The following MUL1 variants were observed in gnomAD, a reference collection of about 807,000 sequenced individuals.
MUL1 encodes mitochondrial ubiquitin ligase activator of NFKB 1.
Under a neutral mutation model 34.1 loss-of-function variants are expected in MUL1, and 30 were observed. The ratio of observed to expected loss-of-function variants is 0.88; its 90% confidence interval spans 0.66 to 1.19. The LOEUF is 1.19. Among genes scored for constraint, MUL1 ranks in the 50% most tolerant of loss-of-function variants. The pLI, the probability that MUL1 is intolerant of heterozygous loss-of-function variation, is 0.00. For missense variants in MUL1, 419 were observed against 450.5 expected, an observed-to-expected ratio of 0.93 and a Z score of 0.63; for synonymous variants, 191 against 187.8, an observed-to-expected ratio of 1.02 and a Z score of -0.14.
chr1:20,508,107 A>C lies in MUL1; in HGVS notation c.-83T>G, dbSNP rs558378129. 2.9e-4 allele frequency: 446 copies of C among 1,515,716 alleles called. 7 individuals carry two copies. In the South Asian group the frequency reaches 5.3e-3, roughly 18 times the overall value. 93.9% of individuals were successfully genotyped at this position (1,515,716 alleles called of 1,614,324 possible). ...GACTCTCCACCTCCTTCCGACCAGGACCGCACCCCCCCGGCCTAACCTGAC... is the reference window on the plus strand; with the variant it reads ...GACTCTCCACCTCCTTCCGACCAGGCCCGCACCCCCCCGGCCTAACCTGAC... On this transcript the variant is annotated 5_prime_UTR_variant, in exon 1 of 4. Transcript: ENST00000264198.
chr1:20,500,600 C>T lies in MUL1; in HGVS notation c.*90G>A. On this transcript the variant is annotated 3_prime_UTR_variant, in exon 4 of 4. Transcript: ENST00000264198. ...TCATACCTGGAGGTGACAGCTACCC[C>T]CACCACTGCTCCTCCAAAGGCCTCG... 6.8e-7 allele frequency: 1 copy of T among 1,479,106 alleles called. No individual in the cohort carries two copies. The highest frequency in any genetic ancestry group is 1.4e-5 in the South Asian group (1 of 72,968). The allele number at this position is 1,479,106 out of a possible 1,614,324, so 91.6% of individuals were successfully genotyped here.
intron 1 of MUL1, among the ~76,000 whole-genome samples, chr1:20,503,988 CA>C (rs1194185645): frequency 6.6e-6 from 1 of 151,932 alleles, no homozygotes; most frequent in Non-Finnish European, 1.5e-5. Flanking sequence ...CCTCCCACCT[CA>C]GGCCCCCAAG....
chr1:20,499,956 G>C lies in MUL1; in HGVS notation c.*734C>G, dbSNP rs1193688111. The C allele has an allele frequency of 6.6e-6, 1 of 152,320 alleles. No homozygotes were observed. Among genetic ancestry groups the C allele is most frequent in the Non-Finnish European group, 1.5e-5 (1 of 68,114 alleles). The allele number at this position is 152,320 out of a possible 1,614,324, so 9.4% of individuals were successfully genotyped here. ...CCACCCCGAGCTCTCCCAAGTGGCA[G>C]GAGTTCAAATCAGGGCCAGTGGCGA... On this transcript the variant is annotated 3_prime_UTR_variant, in exon 4 of 4. Coordinates refer to ENST00000264198, the MANE Select transcript of MUL1 (RefSeq NM_024544.3).
At chr1:20,502,810 A>T (rs111270978) in intron 2 of MUL1, among the ~76,000 whole-genome samples, 4 of 152,224 alleles carry the variant, frequency 2.6e-5, no homozygotes, top group Non-Finnish European at 5.9e-5. Context: ...CTGGGATTAC[A>T]GGCATGAGCT....
At chr1:20,507,725 G>A (rs115083503) in intron 1 of MUL1, among the ~76,000 whole-genome samples, 180 bp downstream of exon 1, 1,839 of 152,350 alleles carry the variant, frequency 0.012, 34 homozygotes, top group African/African-American at 0.041. Context: ...CGGAGCAGCC[G>A]TTATCCCGAG....
At chr1:20,506,992 C>A (rs1285331250) in intron 1 of MUL1, among the ~76,000 whole-genome samples, 2 of 152,180 alleles carry the variant, frequency 1.3e-5, no homozygotes, top group Non-Finnish European at 2.9e-5. Context: ...CTTCGGAGAG[C>A]CGAGGCGGGG....
In MUL1 at chr1:20,500,920, C is replaced by G; in HGVS notation, c.829G>C (p.Glu277Gln). The G allele has an allele frequency of 6.2e-7, 1 of 1,614,150 alleles. No individual in the cohort carries two copies. The highest frequency in any genetic ancestry group is 1.3e-5 in the African/African-American group (1 of 75,080). ...QERLRLKQMQEEFQEHEAQLL... is the reference protein window; with the variant it reads ...QERLRLKQMQQEFQEHEAQLL... ...TGGGCCTCATGCTCCTGGAACTCCTCCTGCATCTGCTTGAGGCGCAGGCGC... is the reference window on the plus strand; with the variant it reads ...TGGGCCTCATGCTCCTGGAACTCCTGCTGCATCTGCTTGAGGCGCAGGCGC... Residue 277 changes from glutamate (E) to glutamine (Q), a missense_variant, in exon 4 of 4, where the codon GAG (glutamate) becomes CAG (glutamine). Glu to Gln is a conservative substitution (Grantham distance 29, BLOSUM62 2). Transcript: ENST00000264198.
Position 20,503,874 on chromosome 1 carries a change from A to ATT in MUL1, c.121-567_121-566dup, listed in dbSNP as rs111696728. On this transcript the variant is annotated intron_variant, in intron 1 of 3. Transcript: ENST00000264198. ...TAACTGGTGCCAAATGCCATTCTAC[A>ATT]TTTTTTTTTTTTTTTGAGATGGGGT... Among the ~76,000 whole-genome samples, 8 of 141,746 alleles carry ATT rather than the reference A, an allele frequency of 5.6e-5. No individual in the cohort carries two copies. The South Asian group carries it at 9.0e-4, about 16-fold the overall frequency. 93.0% of individuals were successfully genotyped at this position (141,746 alleles called of 152,430 possible). A position where few individuals can be genotyped will look rare whatever the true frequency, so the allele number is the denominator to read the frequency against.
chr1:20,501,956 C>T lies in MUL1; in HGVS notation c.329+113G>A. On this transcript the variant is annotated intron_variant, in intron 3 of 3. Transcript: ENST00000264198. The surrounding 1 kb of genome is among the most constrained non-coding windows in gnomAD (Gnocchi z 4.2). Reference sequence around the variant, plus strand: ...CAAGAATATGACCTGCATTAAGAGACTGGGCTTCAACCTGTCTCAGGAGAA... The same window carrying T: ...CAAGAATATGACCTGCATTAAGAGATTGGGCTTCAACCTGTCTCAGGAGAA... 7.3e-7 allele frequency: 1 copy of T among 1,362,550 alleles called. No homozygotes were observed. The highest frequency in any genetic ancestry group is 2.3e-5 in the East Asian group (1 of 43,262). The allele number at this position is 1,362,550 out of a possible 1,614,324, so 84.4% of individuals were successfully genotyped here. A position where few individuals can be genotyped will look rare whatever the true frequency, so the allele number is the denominator to read the frequency against.
chr1:20,507,849 C>T, intron 1 of MUL1, 56 bp downstream of exon 1: 2 of 1,566,514 alleles, frequency 1.3e-6, no homozygotes, highest in Non-Finnish European at 1.7e-6. Context: ...TCATGGGCTC[C>T]CCAGCACCTG....
intron 1 of MUL1, among the ~76,000 whole-genome samples, chr1:20,503,614 C>G (rs2051686101): frequency 6.6e-6 from 1 of 152,150 alleles, no homozygotes. Flanking sequence ...AGGTACTAGT[C>G]AATTTACATA....
At chr1:20,502,270 C>T in intron 2 of MUL1, 81 bp from the exon 3 acceptor site, 1 of 1,581,718 alleles carries the variant, frequency 6.3e-7, no homozygotes, top group Non-Finnish European at 8.6e-7. Flanking sequence ...GTTTTCTGGT[C>T]TGGCACAGTA....
At position 20,500,738 on chromosome 1, in the gene MUL1, A is replaced by C. The variant is rs1179823075; in HGVS notation, c.1011T>G (p.Pro337=). 1 of 1,608,318 alleles carries C rather than the reference A, an allele frequency of 6.2e-7. No homozygotes were observed. The highest frequency in any genetic ancestry group is 1.3e-5 in the African/African-American group (1 of 74,830). ...CCCGGGTGATCGCCTGTCTGCAGATAGGGCACTTCTTGGGCTCTGGCAAGG... is the reference window on the plus strand; with the variant it reads ...CCCGGGTGATCGCCTGTCTGCAGATCGGGCACTTCTTGGGCTCTGGCAAGG... ...YRALPEPKKC[P]ICRQAITRVI... Residue 337 remains proline (P), a synonymous_variant, in exon 4 of 4, where the codon CCT becomes CCG. Coordinates refer to ENST00000264198, the MANE Select transcript of MUL1 (RefSeq NM_024544.3).
chr1:20,501,353 C>G lies in MUL1; in HGVS notation c.396G>C (p.Glu132Asp). The G allele has an allele frequency of 1.9e-6, 3 of 1,614,174 alleles. No individual in the cohort carries two copies. Among genetic ancestry groups the G allele is most frequent in the Non-Finnish European group, 2.5e-6 (3 of 1,180,024 alleles). The change falls in exon 4 of 4, where the codon GAG becomes GAC. Residue 132 changes from glutamate to aspartate, a missense_variant. Coordinates refer to ENST00000264198, the MANE Select transcript of MUL1 (RefSeq NM_024544.3). The surrounding 1 kb of genome is among the most constrained non-coding windows in gnomAD (Gnocchi z 4.2). The part of the protein sequence containing the change: ...NTVPFDLVPH[E>D]DGVDVAVRVL... Reference sequence around the variant, plus strand: ...CTCGCACAGCCACATCCACGCCATCCTCGTGGGGCACCAGGTCAAAGGGCA... The same window carrying G: ...CTCGCACAGCCACATCCACGCCATCGTCGTGGGGCACCAGGTCAAAGGGCA...
At position 20,502,361 on chromosome 1, in the gene MUL1, TA is replaced by T. The variant is rs529540111; in HGVS notation, c.209-173del. 2.6e-3 allele frequency among the ~76,000 whole-genome samples: 401 copies of T among 152,308 alleles called. 3 individuals are homozygous for T. The highest frequency in any genetic ancestry group is 9.1e-3 in the African/African-American group (379 of 41,576). The stretch of plus-strand genomic sequence containing the variant: ...GCCACGAGTTTGAGACCAGCCTGGT[TA>T]ACACAGTGAGATTCCATCTTTACAA... On this transcript the variant is annotated intron_variant, in intron 2 of 3. Coordinates refer to ENST00000264198, the MANE Select transcript of MUL1 (RefSeq NM_024544.3).
rs765925647 is a variant in MUL1 at position 20,500,992 on chromosome 1, C to A, written c.757G>T (p.Ala253Ser). 3 of 1,614,034 alleles carry A rather than the reference C, an allele frequency of 1.9e-6. No individual in the cohort carries two copies. Among genetic ancestry groups the A allele is most frequent in the Non-Finnish European group, 1.7e-6 (2 of 1,180,042 alleles). Reference sequence around the variant, plus strand: ...TTCCGGAGAATGAAGAAGAGGGTGGCACATGTGGCAAAGCCAAAAACCAGC... The same window carrying A: ...TTCCGGAGAATGAAGAAGAGGGTGGAACATGTGGCAAAGCCAAAAACCAGC... ...LALVFGFATC[A>S]TLFFILRKQY... Residue 253 changes from alanine to serine, a missense_variant, in exon 4 of 4, where the codon GCC becomes TCC. Transcript: ENST00000264198.
intron 1 of MUL1, among the ~76,000 whole-genome samples, chr1:20,506,569 G>A (rs774464112): frequency 8.5e-5 from 13 of 152,212 alleles, no homozygotes; most frequent in Non-Finnish European, 1.8e-4. Context: ...ATTATTGTGG[G>A]CCAGGCGCAG....
In MUL1 at chr1:20,501,895, C is replaced by G. The variant is rs1366548671; in HGVS notation, c.329+174G>C. Among the ~76,000 whole-genome samples, 1 of 152,166 alleles carries G rather than the reference C, an allele frequency of 6.6e-6. No individual in the cohort carries two copies. On this transcript the variant is annotated intron_variant, in intron 3 of 3. Transcript: ENST00000264198. This position sits in a 1 kb window ranked among gnomAD's most constrained non-coding sequence, Gnocchi z 4.2. ...AAATCTGCATTTCAACAAGATGCCTCGGTGATTCCGACATAGGAGGCCCAC... is the reference window on the plus strand; with the variant it reads ...AAATCTGCATTTCAACAAGATGCCTGGGTGATTCCGACATAGGAGGCCCAC...
In MUL1 at chr1:20,501,330, C is replaced by G; in HGVS notation, c.419G>C (p.Arg140Pro). Residue 140 changes from arginine (R) to proline (P), a missense_variant, in exon 4 of 4, where the codon CGA (arginine) becomes CCA (proline). By Grantham distance (103) the Arg-to-Pro change is moderately radical. Transcript: ENST00000264198. This position sits in a 1 kb window ranked among gnomAD's most constrained non-coding sequence, Gnocchi z 4.2. Reference sequence around the variant, plus strand: ...CACTGAGTCCAGGGGCTTCAGCACTCGCACAGCCACATCCACGCCATCCTC... The same window carrying G: ...CACTGAGTCCAGGGGCTTCAGCACTGGCACAGCCACATCCACGCCATCCTC... ...PHEDGVDVAV[R>P]VLKPLDSVDL... is the part of the protein sequence containing the mutation. 3 of 1,614,190 alleles carry G rather than the reference C, an allele frequency of 1.9e-6. No homozygotes were observed. The highest frequency in any genetic ancestry group is 2.5e-6 in the Non-Finnish European group (3 of 1,180,046).
Sources: gnomAD v4.1 joint callset for allele counts (sites outside exome capture counted in the v4.1 genomes callset) on GRCh38, gnomAD v4.1.1 for gene constraint, Gnocchi (gnomAD v3.1) non-coding constraint, MANE v1.5 for transcripts, NCBI Gene and HGNC (gene_info 2026-07-23, HGNC 2026-07-21) for gene names.